The following SPTLC1 variants were observed in gnomAD, a reference collection of about 807,000 sequenced individuals.
SPTLC1 encodes the protein serine palmitoyltransferase long chain base subunit 1, also known as serine palmitoyltransferase 1.
In SPTLC1, 55 loss-of-function variants were observed where a neutral mutation model predicts 68.9. That is an observed-to-expected ratio of 0.80 (90% confidence interval 0.64 to 1.00). The LOEUF (loss-of-function observed/expected upper bound fraction) is 1.00, where lower values mean the gene tolerates loss of function less well. Ranked by LOEUF, SPTLC1 falls within the 50% of genes least tolerant of loss-of-function variation. The pLI, the probability that SPTLC1 is intolerant of heterozygous loss-of-function variation, is 0.00. For synonymous variants in SPTLC1, 197 were observed against 201.6 expected, an observed-to-expected ratio of 0.98 and a Z score of 0.19; for missense variants, 449 against 573.1, an observed-to-expected ratio of 0.78 and a Z score of 2.21.
intron 11 of SPTLC1, chr9:92,046,281 T>C: frequency 1.8e-6 from 1 of 570,156 alleles, no homozygotes; most frequent in Non-Finnish European, 3.1e-6. Context: ...AAACCTGGAA[T>C]GATGCTTTCA....
intron 12 of SPTLC1, among the ~76,000 whole-genome samples, chr9:92,042,796 A>C (rs1337461255): frequency 6.6e-6 from 1 of 152,340 alleles, no homozygotes; most frequent in Non-Finnish European, 1.5e-5. Flanking sequence ...ACAAAATCAA[A>C]AGAGTCTGAG....
chr9:92,109,918 A>T (rs1395895180), intron 2 of SPTLC1: 2 of 152,364 alleles, frequency 1.3e-5, no homozygotes, highest in African/African-American at 4.8e-5. Context: ...GGCTGCGGTG[A>T]GGCAAGATTG....
intron 3 of SPTLC1, among the ~76,000 whole-genome samples, chr9:92,105,944 A>G (rs550493022): frequency 5.4e-5 from 6 of 111,156 alleles, no homozygotes; most frequent in East Asian, 3.0e-4. Flanking sequence ...GGGAAATGAG[A>G]AGCACCTCTG....
In SPTLC1 at chr9:92,057,280, TG is replaced by T. The variant is rs201891662; in HGVS notation, c.691-1787del. On this transcript the variant is annotated intron_variant, in intron 7 of 14. Transcript: ENST00000262554. ...GTTGGATTTAGTTGTTTCCTTCATT[TG>T]CTTTTTCATATCACAATATGAATAT... is the stretch of plus-strand genomic sequence containing the variant. Among the ~76,000 whole-genome samples, 1,488 of 152,314 alleles carry T rather than the reference TG, an allele frequency of 9.8e-3. 21 individuals carry two copies. The highest frequency in any genetic ancestry group is 0.033 in the African/African-American group (1,391 of 41,570).
At chr9:92,048,600 C>A (rs748214891) in intron 9 of SPTLC1, among the ~76,000 whole-genome samples, 1 of 152,206 alleles carries the variant, frequency 6.6e-6, no homozygotes, top group Non-Finnish European at 1.5e-5. Flanking sequence ...ATATCCCCTA[C>A]CACCCTCATC....
intron 3 of SPTLC1, among the ~76,000 whole-genome samples, chr9:92,105,651 T>C (rs1213360998): frequency 6.6e-6 from 1 of 150,960 alleles, no homozygotes; most frequent in African/African-American, 2.4e-5. Context: ...CACCGCACCG[T>C]CTGGGCAGTG....
chr9:92,103,475 C>T (rs973316491), intron 3 of SPTLC1, among the ~76,000 whole-genome samples: 6 of 152,240 alleles, frequency 3.9e-5, no homozygotes, highest in African/African-American at 1.2e-4. Flanking sequence ...CAGGCCAGAA[C>T]GCCAGCTGTG....
intron 6 of SPTLC1, among the ~76,000 whole-genome samples, chr9:92,059,556 G>C (rs765219193): frequency 6.6e-6 from 1 of 152,100 alleles, no homozygotes; most frequent in Non-Finnish European, 1.5e-5. Context: ...TCTGAAATTA[G>C]CATGCATCTT....
At chr9:92,081,767 C>A (rs1032445098) in intron 3 of SPTLC1, among the ~76,000 whole-genome samples, 2 of 152,124 alleles carry the variant, frequency 1.3e-5, no homozygotes, top group African/African-American at 4.8e-5. Context: ...AGAACCATGG[C>A]ACAGGGTGAG....
intron 6 of SPTLC1, among the ~76,000 whole-genome samples, chr9:92,064,014 T>C (rs1834194914): frequency 6.6e-6 from 1 of 152,100 alleles, no homozygotes; most frequent in African/African-American, 2.4e-5. Flanking sequence ...AATAAGGCAA[T>C]AAAAGGGAAT....
chr9:92,049,803 C>G (rs1265201873), intron 9 of SPTLC1, among the ~76,000 whole-genome samples, 157 bp downstream of exon 9: 2 of 152,158 alleles, frequency 1.3e-5, no homozygotes, highest in East Asian at 3.9e-4. Flanking sequence ...GCTGACTAGA[C>G]TCATCCTGGG....
At chr9:92,066,618 CT>C (rs1214883037) in intron 6 of SPTLC1, among the ~76,000 whole-genome samples, 2 of 152,144 alleles carry the variant, frequency 1.3e-5, no homozygotes, top group South Asian at 4.1e-4. Flanking sequence ...ATACAAAGGA[CT>C]TGGGTCTTTA....
intron 7 of SPTLC1, among the ~76,000 whole-genome samples, chr9:92,057,904 TA>T (rs958593303): frequency 3.9e-5 from 6 of 152,040 alleles, no homozygotes; most frequent in South Asian, 2.1e-4. Flanking sequence ...GTTGCTCATT[TA>T]AAAAAAAGTT....
chr9:92,051,124 T>C (rs758776650), intron 8 of SPTLC1: 103 of 985,016 alleles, frequency 1.0e-4, no homozygotes, highest in Middle Eastern at 5.2e-4. Context: ...CTATCAACCA[T>C]TGACACTCTT....
chr9:92,101,198 T>A (rs1461204283), intron 3 of SPTLC1, among the ~76,000 whole-genome samples: 1 of 151,796 alleles, frequency 6.6e-6, no homozygotes, highest in Non-Finnish European at 1.5e-5. Flanking sequence ...GAGAGAAAAC[T>A]TAATCGAATA....
intron 3 of SPTLC1, among the ~76,000 whole-genome samples, chr9:92,101,376 C>CAGGAT (rs1191146491): frequency 3.3e-5 from 5 of 151,606 alleles, no homozygotes. Flanking sequence ...TCCTGGCTAA[C>CAGGAT]AGGATGAAAC....
chr9:92,070,620 C>A (rs1834443744), intron 5 of SPTLC1, among the ~76,000 whole-genome samples: 1 of 152,072 alleles, frequency 6.6e-6, no homozygotes, highest in African/African-American at 2.4e-5. Context: ...CATCACAGAG[C>A]TCAGATTGTA....
chr9:92,094,019 G>C (rs1835451777), intron 3 of SPTLC1, among the ~76,000 whole-genome samples: 1 of 152,184 alleles, frequency 6.6e-6, no homozygotes, highest in Non-Finnish European at 1.5e-5. Flanking sequence ...CAGGTATAAA[G>C]TGAATTCCAG....
At chr9:92,043,723 G>A (rs1191949663) in intron 12 of SPTLC1, among the ~76,000 whole-genome samples, 3 of 152,184 alleles carry the variant, frequency 2.0e-5, no homozygotes, top group Non-Finnish European at 2.9e-5. Context: ...TTTCACCTGC[G>A]TCAATCTCCT....
Sources: gnomAD v4.1 joint callset for allele counts (sites outside exome capture counted in the v4.1 genomes callset) on GRCh38, gnomAD v4.1.1 for gene constraint, MANE v1.5 for transcripts, NCBI Gene and HGNC (gene_info 2026-07-23, HGNC 2026-07-21) for gene names.